The following GALNT13 variants were observed in gnomAD, a reference collection of about 807,000 sequenced individuals.
The protein encoded by GALNT13 is UDP-GalNAc:polypeptide N-acetylgalactosaminyltransferase 13.
In GALNT13, 28 loss-of-function variants were observed where a neutral mutation model predicts 64.2. The observed-to-expected ratio is 0.44, with a 90% confidence interval of 0.32 to 0.60. The LOEUF is 0.60. Among genes scored for constraint, GALNT13 ranks in the 20% least tolerant of loss-of-function variants. The pLI is 0.05. For missense variants in GALNT13, 577 were observed against 669.8 expected, an observed-to-expected ratio of 0.86 and a Z score of 1.53; for synonymous variants, 214 against 224.6, an observed-to-expected ratio of 0.95 and a Z score of 0.42.
the GALNT13 span, among the ~76,000 whole-genome samples, chr2:153,315,189 A>G: frequency 3.3e-5 from 5 of 152,166 alleles, no homozygotes; most frequent in Non-Finnish European, 7.4e-5. Context: ...TTTTTTGTTC[A>G]TGCAGACTAT....
At chr2:153,686,125 G>A in the GALNT13 span, among the ~76,000 whole-genome samples, 1 of 151,900 alleles carries the variant, frequency 6.6e-6, no homozygotes, top group South Asian at 2.1e-4. Flanking sequence ...TGGCTGTTCG[G>A]GCTCTTTTTT....
intron 3 of GALNT13, among the ~76,000 whole-genome samples, chr2:154,016,795 A>G (rs1287634838): frequency 2.6e-5 from 4 of 152,194 alleles, no homozygotes; most frequent in African/African-American, 9.7e-5. Flanking sequence ...GAACAACAAT[A>G]ATAATTTTTA....
At chr2:153,110,703 G>A in the GALNT13 span, among the ~76,000 whole-genome samples, 1 of 152,072 alleles carries the variant, frequency 6.6e-6, no homozygotes, top group South Asian at 2.1e-4. Flanking sequence ...CTAGGACTGT[G>A]TATGCGATTA....
chr2:154,308,117 G>A (rs942709527), intron 9 of GALNT13, among the ~76,000 whole-genome samples: 7 of 151,838 alleles, frequency 4.6e-5, no homozygotes, highest in African/African-American at 1.5e-4. Context: ...AAATTTAAAG[G>A]ATCCCAAAAC....
the GALNT13 span, among the ~76,000 whole-genome samples, chr2:153,631,031 A>G: frequency 1.4e-4 from 21 of 151,170 alleles, no homozygotes; most frequent in Middle Eastern, 0.014. Flanking sequence ...TGATTGTTCA[A>G]TTCCCATCTA....
chr2:154,427,491 G>A (rs62172356), intron 11 of GALNT13, among the ~76,000 whole-genome samples: 7,934 of 152,244 alleles, frequency 0.052, 247 homozygotes, highest in Middle Eastern at 0.085. Context: ...CAGCACATAC[G>A]AGGTCAGGGA....
intron 3 of GALNT13, among the ~76,000 whole-genome samples, chr2:154,021,185 C>A (rs1026435316): frequency 1.3e-4 from 20 of 152,152 alleles, no homozygotes; most frequent in Non-Finnish European, 2.4e-4. Flanking sequence ...GCGATGCGGG[C>A]TCTTTTTTGG....
intron 8 of GALNT13, among the ~76,000 whole-genome samples, chr2:154,291,157 A>T (rs1692606348): frequency 6.6e-6 from 1 of 151,964 alleles, no homozygotes; most frequent in South Asian, 2.1e-4. Context: ...CCCCACCCAC[A>T]TCCTACTGAT....
chr2:153,600,640 A>G, the GALNT13 span, among the ~76,000 whole-genome samples: 3 of 152,022 alleles, frequency 2.0e-5, no homozygotes, highest in Non-Finnish European at 2.9e-5. Flanking sequence ...CATATTTTCA[A>G]TAATTTCTCT....
chr2:153,220,953 A>G, the GALNT13 span, among the ~76,000 whole-genome samples: 4 of 152,178 alleles, frequency 2.6e-5, no homozygotes, highest in Non-Finnish European at 5.9e-5. Context: ...ATGGACACAT[A>G]GAGGGAAACA....
chr2:153,256,539 C>T, the GALNT13 span, among the ~76,000 whole-genome samples: 29 of 152,304 alleles, frequency 1.9e-4, no homozygotes, highest in East Asian at 5.8e-4. Flanking sequence ...GGAGGAGAGG[C>T]GCTCTGCTTT....
intron 4 of GALNT13, among the ~76,000 whole-genome samples, chr2:154,163,561 G>T (rs905728821): frequency 4.6e-5 from 7 of 152,120 alleles, no homozygotes; most frequent in Non-Finnish European, 8.8e-5. Context: ...ACTGACTGTG[G>T]CAGTTGTGCT....
intron 8 of GALNT13, among the ~76,000 whole-genome samples, chr2:154,267,641 AAAAC>A (rs1268759494): frequency 1.3e-5 from 2 of 152,218 alleles, no homozygotes; most frequent in African/African-American, 2.4e-5. Context: ...CTTCGTCTCA[AAAAC>A]AAACAAACAA....
chr2:153,966,934 C>T (rs1236720337), intron 3 of GALNT13, among the ~76,000 whole-genome samples: 1 of 151,562 alleles, frequency 6.6e-6, no homozygotes, highest in Non-Finnish European at 1.5e-5. Context: ...ATTTTTTCAC[C>T]CCTGACTGTA....
At position 154,242,232 on chromosome 2, in the gene GALNT13, T is replaced by C. The variant is rs182788308; in HGVS notation, c.478+36T>C. 3.9e-4 allele frequency: 601 copies of C among 1,549,174 alleles called. 7 individuals are homozygous for C. The East Asian group carries it at 8.8e-3, about 23-fold the overall frequency. ...GTTTTTTGTTTTTGTTTTTGTTTTTTTGTTTTGTTTTGTTTTGTTTTTTTG... is the reference window on the plus strand; with the variant it reads ...GTTTTTTGTTTTTGTTTTTGTTTTTCTGTTTTGTTTTGTTTTGTTTTTTTG... On this transcript the variant is annotated intron_variant, in intron 5 of 12. Transcript: ENST00000392825.
chr2:153,148,991 C>A, the GALNT13 span, among the ~76,000 whole-genome samples: 3 of 151,830 alleles, frequency 2.0e-5, no homozygotes, highest in Non-Finnish European at 4.4e-5. Flanking sequence ...CTTGAACACA[C>A]ACAAGCTCTG....
chr2:154,005,836 T>C (rs72866897), intron 3 of GALNT13, among the ~76,000 whole-genome samples: 10,755 of 152,242 alleles, frequency 0.071, 449 homozygotes, highest in Middle Eastern at 0.13. Context: ...GATTTCTAAG[T>C]ATAACAGTCA....
intron 3 of GALNT13, among the ~76,000 whole-genome samples, chr2:154,053,030 G>A (rs1045956709): frequency 6.6e-6 from 1 of 152,034 alleles, no homozygotes; most frequent in Non-Finnish European, 1.5e-5. Context: ...ATGAGCCACC[G>A]TGCCTGGCCA....
At chr2:154,090,221 T>A (rs1319994656) in intron 3 of GALNT13, among the ~76,000 whole-genome samples, 4 of 152,108 alleles carry the variant, frequency 2.6e-5, no homozygotes, top group Non-Finnish European at 5.9e-5. Flanking sequence ...TTATGTTTAT[T>A]GGAAATAAGG....
Sources: gnomAD v4.1 joint callset for allele counts (sites outside exome capture counted in the v4.1 genomes callset) on GRCh38, gnomAD v4.1.1 for gene constraint, MANE v1.5 for transcripts, NCBI Gene and HGNC (gene_info 2026-07-23, HGNC 2026-07-21) for gene names.